Variants in KAT6B observed in about 807,000 individuals in gnomAD.
The protein encoded by KAT6B is lysine acetyltransferase 6B.
KAT6B carries 10 observed loss-of-function variants against 187.5 expected under a neutral mutation model. The ratio of observed to expected loss-of-function variants is 0.05; its 90% CI spans 0.03 to 0.09. The LOEUF is 0.09. KAT6B is among the 10% of genes least tolerant of loss of function. The pLI, the probability that KAT6B is intolerant of heterozygous loss-of-function variation, is 1.00. For synonymous variants in KAT6B, 861 were observed against 926.8 expected (o/e 0.93, Z 1.29); for missense variants, 1,952 against 2,558.9 (o/e 0.76, Z 5.12).
intron 3 of KAT6B, among the ~76,000 whole-genome samples, chr10:74,858,117 A>T (rs1842930900): frequency 6.6e-6 from 1 of 151,942 alleles, no homozygotes; most frequent in Admixed American, 6.6e-5. Flanking sequence ...AAGAGGCCTG[A>T]GTTTTGAGTC....
chr10:74,889,064 A>G (rs1845481159), intron 3 of KAT6B, among the ~76,000 whole-genome samples: 1 of 152,234 alleles, frequency 6.6e-6, no homozygotes, highest in Non-Finnish European at 1.5e-5. Flanking sequence ...AGTGCACATT[A>G]CAAGTGATAA....
chr10:74,852,822 C>G (rs1409639907), intron 3 of KAT6B, among the ~76,000 whole-genome samples: 1 of 152,122 alleles, frequency 6.6e-6, no homozygotes, highest in Non-Finnish European at 1.5e-5. Flanking sequence ...CTGTATGTAA[C>G]ACATGATCCT....
intron 3 of KAT6B, among the ~76,000 whole-genome samples, chr10:74,945,642 G>A (rs970872355): frequency 3.3e-5 from 5 of 151,974 alleles, no homozygotes; most frequent in African/African-American, 1.2e-4. Context: ...TAGAGACGGG[G>A]TCTCACCATG....
chr10:75,018,998 T>C (rs912617776), intron 13 of KAT6B, among the ~76,000 whole-genome samples: 2 of 152,170 alleles, frequency 1.3e-5, no homozygotes, highest in Non-Finnish European at 2.9e-5. Context: ...AGGTGTGGGC[T>C]CCCTTCATAC....
intron 10 of KAT6B, among the ~76,000 whole-genome samples, chr10:74,981,342 T>TTCCTTC (rs1842503341): frequency 5.1e-5 from 5 of 97,868 alleles, no homozygotes; most frequent in African/African-American, 2.3e-4. Context: ...TTCCTTCCTT[T>TTCCTTC]CTTCCTTTCT....
chr10:75,009,406 A>G (rs1037324474), intron 13 of KAT6B, among the ~76,000 whole-genome samples: 5 of 152,196 alleles, frequency 3.3e-5, no homozygotes, highest in Admixed American at 2.6e-4. Flanking sequence ...AACCATTTCA[A>G]GCCTTTGCAG....
intron 3 of KAT6B, among the ~76,000 whole-genome samples, chr10:74,933,966 G>A (rs775830361): frequency 6.6e-6 from 1 of 151,908 alleles, no homozygotes; most frequent in African/African-American, 2.4e-5. Flanking sequence ...CGGGCAGATC[G>A]CCTGAGTTGA....
intron 2 of KAT6B, among the ~76,000 whole-genome samples, chr10:74,839,175 T>G (rs952663705): frequency 6.6e-6 from 1 of 151,438 alleles, no homozygotes; most frequent in Non-Finnish European, 1.5e-5. Context: ...AAAAAATGAT[T>G]GTGGTAAAAG....
At chr10:74,961,178 CAA>C (rs1373610980) in intron 4 of KAT6B, among the ~76,000 whole-genome samples, 1 of 152,150 alleles carries the variant, frequency 6.6e-6, no homozygotes, top group African/African-American at 2.4e-5. Context: ...TGGATAGTGA[CAA>C]AAGGGCATGG....
intron 3 of KAT6B, among the ~76,000 whole-genome samples, chr10:74,899,302 T>C (rs976354881): frequency 6.9e-6 from 1 of 145,556 alleles, no homozygotes; most frequent in African/African-American, 2.5e-5. Context: ...GAGACGGAGT[T>C]TCTTTCTTGT....
chr10:74,830,030 C>CA (rs1042612437), intron 1 of KAT6B, among the ~76,000 whole-genome samples: 177 of 132,554 alleles, frequency 1.3e-3, no homozygotes, highest in African/African-American at 3.8e-3. Context: ...AAAAAAAAAA[C>CA]AAAAAAAAAA....
At position 75,028,899 on chromosome 10, in the gene KAT6B, G is replaced by GA. The variant is rs1252427219; in HGVS notation, c.4076dup (p.Glu1360GlyfsTer27). Reference sequence around the variant, plus strand: ...TGAGGAAGAGGAAGAGGAGGAGGAGGAGGAAGAGGAAGAAGAGGAAGAAGA... The same window carrying GA: ...TGAGGAAGAGGAAGAGGAGGAGGAGGAAGGAAGAGGAAGAAGAGGAAGAAGA... On this transcript the variant is annotated frameshift_variant, in exon 18 of 18. Coordinates refer to ENST00000287239, the MANE Select transcript of KAT6B (RefSeq NM_012330.4). LOFTEE classifies it high-confidence loss of function. 5 of 1,610,020 alleles carry GA rather than the reference G, an allele frequency of 3.1e-6. No homozygotes were observed. The African/African-American group carries it at 6.7e-5, about 22-fold the overall frequency.
intron 3 of KAT6B, among the ~76,000 whole-genome samples, chr10:74,865,062 C>G (rs1843460084): frequency 5.3e-5 from 8 of 152,190 alleles, no homozygotes; most frequent in Admixed American, 5.2e-4. Context: ...CTCCCTGAGT[C>G]TCACTTACCT....
At chr10:75,013,574 T>C (rs1844765479) in intron 13 of KAT6B, among the ~76,000 whole-genome samples, 1 of 152,172 alleles carries the variant, frequency 6.6e-6, no homozygotes, top group Non-Finnish European at 1.5e-5. Flanking sequence ...TCTGTCCAAA[T>C]TTTATTTCTT....
intron 3 of KAT6B, among the ~76,000 whole-genome samples, chr10:74,954,805 A>G (rs774506430): frequency 9.9e-5 from 15 of 152,232 alleles, no homozygotes; most frequent in Non-Finnish European, 1.9e-4. Flanking sequence ...TTGCTCGCCT[A>G]TTCACTTGGT....
intron 13 of KAT6B, among the ~76,000 whole-genome samples, chr10:74,991,047 C>T (rs1843100739): frequency 6.6e-6 from 1 of 152,128 alleles, no homozygotes; most frequent in Non-Finnish European, 1.5e-5. Flanking sequence ...TTGTTAAGAG[C>T]CAGCTCAAGA....
chr10:74,921,375 A>G (rs529668250), intron 3 of KAT6B, among the ~76,000 whole-genome samples: 1 of 152,050 alleles, frequency 6.6e-6, no homozygotes, highest in Non-Finnish European at 1.5e-5. Flanking sequence ...TGAACTCCCA[A>G]AGTGCTGGGA....
Position 75,031,050 on chromosome 10 carries a change from A to G in KAT6B, c.*4A>G, listed in dbSNP as rs1444528074. 1 of 1,614,122 alleles carries G rather than the reference A, an allele frequency of 6.2e-7. No individual in the cohort carries two copies. Among genetic ancestry groups the G allele is most frequent in the Admixed American group, 1.7e-5 (1 of 60,010 alleles). ...TGGCTCCTACATGAGAAGGTAGACA[A>G]CGTGGGCAGTCCACAAAACCTACGG... On this transcript the variant is annotated 3_prime_UTR_variant, in exon 18 of 18. Coordinates refer to ENST00000287239, the MANE Select transcript of KAT6B (RefSeq NM_012330.4).
At chr10:74,872,306 G>C (rs1844053361) in intron 3 of KAT6B, among the ~76,000 whole-genome samples, 1 of 152,214 alleles carries the variant, frequency 6.6e-6, no homozygotes, top group South Asian at 2.1e-4. Flanking sequence ...ATGACAACTT[G>C]TGAGGATTCT....
Sources: allele counts gnomAD v4.1 joint callset (sites outside exome capture counted in the v4.1 genomes callset), GRCh38; gene constraint gnomAD v4.1.1; transcripts MANE v1.5; gene names NCBI Gene and HGNC (gene_info 2026-07-23, HGNC 2026-07-21).